BCAS1: variants seen among roughly 807,000 people sequenced by gnomAD.
BCAS1 encodes the protein breast carcinoma-amplified sequence 1.
A neutral mutation model predicts 65.4 loss-of-function variants in BCAS1; 46 were observed. That is an observed-to-expected ratio of 0.70 (90% CI 0.55 to 0.90). The LOEUF (loss-of-function observed/expected upper bound fraction) is 0.90, where lower values mean the gene tolerates loss of function less well. BCAS1 is among the 40% of genes least tolerant of loss of function. BCAS1 has a pLI of 0.00. For synonymous variants in BCAS1, 298 were observed against 293.5 expected (o/e 1.02, Z -0.16); for missense variants, 793 against 771.2 (o/e 1.03, Z -0.33).
chr20:54,030,776 C>T (rs564957762), intron 3 of BCAS1, among the ~76,000 whole-genome samples: 12 of 151,344 alleles, frequency 7.9e-5, no homozygotes, highest in African/African-American at 2.2e-4. Context: ...TTAGGGGTTT[C>T]TCATAAACCT....
At chr20:54,029,056 C>G (rs2091744996) in intron 3 of BCAS1, 84 bp from the exon 4 acceptor site, 1 of 1,485,624 alleles carries the variant, frequency 6.7e-7, no homozygotes, top group Non-Finnish European at 8.9e-7. Context: ...ATTTTTTATA[C>G]AAAAGCCATA....
intron 3 of BCAS1, among the ~76,000 whole-genome samples, chr20:54,042,198 T>C (rs1334944435): frequency 6.6e-6 from 1 of 152,082 alleles, no homozygotes; most frequent in East Asian, 1.9e-4. Flanking sequence ...TCATATGTCC[T>C]TGAGGACACA....
intron 10 of BCAS1, among the ~76,000 whole-genome samples, chr20:53,965,407 T>G (rs1424670929): frequency 6.6e-6 from 1 of 152,236 alleles, no homozygotes; most frequent in Non-Finnish European, 1.5e-5. Flanking sequence ...ATAATGAAAT[T>G]CTTGTTTTTC....
At chr20:53,994,868 C>T (rs531594669) in intron 6 of BCAS1, 144 bp downstream of exon 6, 3 of 533,504 alleles carry the variant, frequency 5.6e-6, no homozygotes, top group South Asian at 8.3e-5. Flanking sequence ...TATTAAATTG[C>T]TAATTATATA....
intron 4 of BCAS1, among the ~76,000 whole-genome samples, chr20:54,026,447 G>T (rs1363021305): frequency 1.3e-5 from 2 of 152,148 alleles, no homozygotes; most frequent in African/African-American, 4.8e-5. Context: ...ACATTGGAGG[G>T]CTGGCTATTC....
At chr20:53,963,889 T>A (rs1287129971) in intron 10 of BCAS1, among the ~76,000 whole-genome samples, 3 of 152,218 alleles carry the variant, frequency 2.0e-5, no homozygotes, top group African/African-American at 7.2e-5. Flanking sequence ...GAAGTAAGTG[T>A]GTGAGGATCT....
At chr20:54,054,992 A>C (rs2092274873) in intron 3 of BCAS1, among the ~76,000 whole-genome samples, 1 of 152,214 alleles carries the variant, frequency 6.6e-6, no homozygotes, top group African/African-American at 2.4e-5. Flanking sequence ...ACACACATGC[A>C]TAATATATAA....
At position 54,043,259 on chromosome 20, in the gene BCAS1, C is replaced by A. The variant is rs536388458; in HGVS notation, c.143-14287G>T. 9.2e-5 allele frequency among the ~76,000 whole-genome samples: 14 copies of A among 152,068 alleles called. No homozygotes were observed. In the South Asian group the frequency reaches 2.9e-3, roughly 32 times the overall value. ...CTGCAAGCACAGCTGAAATTGGTTA[C>A]AGGATTTCAATGTTTCATTGCTTGA... On this transcript the variant is annotated intron_variant, in intron 3 of 12. Coordinates refer to ENST00000688948, the MANE Select transcript of BCAS1 (RefSeq NM_001366298.2).
intron 4 of BCAS1, among the ~76,000 whole-genome samples, chr20:54,018,971 T>G (rs571228126): frequency 6.6e-6 from 1 of 152,224 alleles, no homozygotes; most frequent in Non-Finnish European, 1.5e-5. Context: ...GTCTGAAATA[T>G]AGAATTGTAT....
intron 9 of BCAS1, among the ~76,000 whole-genome samples, chr20:53,970,833 T>A (rs1205307592): frequency 1.3e-5 from 2 of 152,234 alleles, no homozygotes; most frequent in Non-Finnish European, 2.9e-5. Flanking sequence ...CAACGTCATA[T>A]TAACATTAAA....
At chr20:53,989,720 T>C (rs1468010445) in intron 7 of BCAS1, among the ~76,000 whole-genome samples, 1 of 152,206 alleles carries the variant, frequency 6.6e-6, no homozygotes. Context: ...GGATATTCTT[T>C]GTTTGCGTTA....
At chr20:53,988,577 T>TATACAAAGTGC (rs2090674337) in intron 7 of BCAS1, among the ~76,000 whole-genome samples, 1 of 152,230 alleles carries the variant, frequency 6.6e-6, no homozygotes, top group Non-Finnish European at 1.5e-5. Flanking sequence ...TTGATGCCTG[T>TATACAAAGTGC]ATACAAAGTG....
chr20:53,992,374 A>G (rs1262565178), intron 7 of BCAS1, 138 bp downstream of exon 7: 2 of 625,726 alleles, frequency 3.2e-6, no homozygotes, highest in East Asian at 6.7e-5. Flanking sequence ...AATTCATATC[A>G]TCTTTAATTC....
chr20:53,962,700 G>A (rs1290571428), intron 10 of BCAS1, among the ~76,000 whole-genome samples: 1 of 152,132 alleles, frequency 6.6e-6, no homozygotes, highest in African/African-American at 2.4e-5. Context: ...AGATGTCTTA[G>A]ATATTCCTCG....
At chr20:54,048,774 C>T (rs189018993) in intron 3 of BCAS1, among the ~76,000 whole-genome samples, 79 of 152,320 alleles carry the variant, frequency 5.2e-4, no homozygotes, top group African/African-American at 1.7e-3. Flanking sequence ...TGGGAACTTG[C>T]CCTTCGGCCT....
chr20:54,013,794 T>C (rs987844258), intron 4 of BCAS1, among the ~76,000 whole-genome samples: 8 of 152,212 alleles, frequency 5.3e-5, no homozygotes, highest in Admixed American at 5.2e-4. Context: ...ACAGAAAGTA[T>C]TGTTAACTGA....
At chr20:54,045,520 T>A (rs912927205) in intron 3 of BCAS1, among the ~76,000 whole-genome samples, 2 of 152,238 alleles carry the variant, frequency 1.3e-5, no homozygotes, top group Admixed American at 6.5e-5. Context: ...GAAGAATCCC[T>A]GAGCGGACAA....
intron 3 of BCAS1, 72 bp downstream of exon 3, chr20:54,058,013 T>TC (rs1293818184): frequency 9.2e-6 from 10 of 1,087,506 alleles, no homozygotes; most frequent in South Asian, 8.4e-5. Flanking sequence ...TTTTTTTTTT[T>TC]CACCGTAAAC....
intron 8 of BCAS1, among the ~76,000 whole-genome samples, chr20:53,980,172 G>T (rs1357112533): frequency 6.6e-6 from 1 of 152,124 alleles, no homozygotes. Context: ...TCAGCCCATT[G>T]TGCCGTTATT....
Sources: allele counts gnomAD v4.1 joint callset (sites outside exome capture counted in the v4.1 genomes callset), GRCh38; gene constraint gnomAD v4.1.1; transcripts MANE v1.5; gene names NCBI Gene and HGNC (gene_info 2026-07-23, HGNC 2026-07-21).